The following PPP2R2B variants were observed in gnomAD, a reference collection of about 807,000 sequenced individuals.
The protein encoded by PPP2R2B is protein phosphatase 2 regulatory subunit Bbeta.
PPP2R2B carries 5 observed loss-of-function variants against 46.0 expected under a neutral mutation model. The observed-to-expected ratio is 0.11, with a 90% CI of 0.06 to 0.23. The LOEUF (loss-of-function observed/expected upper bound fraction) is 0.23. Among genes scored for constraint, PPP2R2B ranks in the 10% least tolerant of loss-of-function variants. PPP2R2B has a pLI of 1.00. For missense variants in PPP2R2B, 367 were observed against 575.0 expected (o/e 0.64, Z 3.70); for synonymous variants, 215 against 206.7 (o/e 1.04, Z -0.34).
At chr5:146,889,881 T>C (rs1762441291) in intron 1 of PPP2R2B, among the ~76,000 whole-genome samples, 4 of 152,302 alleles carry the variant, frequency 2.6e-5, no homozygotes, top group Non-Finnish European at 2.9e-5. Context: ...AAGTTATAGC[T>C]AAAAAATGGG....
chr5:146,999,700 G>T (rs1437608903), intron 1 of PPP2R2B, among the ~76,000 whole-genome samples: 2 of 152,184 alleles, frequency 1.3e-5, no homozygotes, highest in Admixed American at 6.5e-5. Context: ...GGTAAATATG[G>T]CATAGAACAT....
chr5:146,882,371 A>G (rs370373217), upstream of PPP2R2B, among the ~76,000 whole-genome samples: 155 of 152,306 alleles, frequency 1.0e-3, 6 homozygotes, highest in South Asian at 0.03. Flanking sequence ...TAATTTTAAT[A>G]ACGTGAACTT....
At chr5:146,910,877 T>G (rs1400184102) in intron 1 of PPP2R2B, among the ~76,000 whole-genome samples, 1 of 152,156 alleles carries the variant, frequency 6.6e-6, no homozygotes, top group Non-Finnish European at 1.5e-5. Context: ...CTTCTAAAGC[T>G]CTCCCTGAAT....
intron 2 of PPP2R2B, chr5:146,751,635 A>C (rs1178508409): frequency 6.6e-6 from 1 of 152,250 alleles, no homozygotes; most frequent in Admixed American, 6.5e-5. Context: ...AAGTCAACTC[A>C]GTTCTTACCC....
chr5:146,639,605 T>C (rs948673285), intron 6 of PPP2R2B, among the ~76,000 whole-genome samples: 1 of 152,198 alleles, frequency 6.6e-6, no homozygotes, highest in Admixed American at 6.5e-5. Flanking sequence ...AGCCTTGTGA[T>C]GTGGATGCTG....
At chr5:146,743,290 A>T (rs1752988317) in intron 2 of PPP2R2B, among the ~76,000 whole-genome samples, 2 of 152,178 alleles carry the variant, frequency 1.3e-5, no homozygotes, top group Admixed American at 6.5e-5. Context: ...GGATTTTTCA[A>T]CATATGCTGG....
At chr5:146,916,293 GT>G (rs5871996) in intron 1 of PPP2R2B, among the ~76,000 whole-genome samples, 230 of 141,904 alleles carry the variant, frequency 1.6e-3, no homozygotes, top group African/African-American at 3.4e-3. Context: ...TGTTACCACC[GT>G]TTTTTTTTTT....
At chr5:146,877,850 G>T in intron 2 of PPP2R2B, 152 bp downstream of exon 2, 1 of 866,986 alleles carries the variant, frequency 1.2e-6, no homozygotes, top group Non-Finnish European at 1.7e-6. Flanking sequence ...TGGATGCGAG[G>T]TGCACTGGGG....
intron 3 of PPP2R2B, among the ~76,000 whole-genome samples, chr5:146,698,890 A>T (rs1779376302): frequency 6.6e-6 from 1 of 152,066 alleles, no homozygotes; most frequent in Non-Finnish European, 1.5e-5. Flanking sequence ...AGCAGGGACT[A>T]CATACATGAT....
chr5:146,810,387 C>G (rs925033599), intron 2 of PPP2R2B, among the ~76,000 whole-genome samples: 1 of 152,158 alleles, frequency 6.6e-6, no homozygotes, highest in Non-Finnish European at 1.5e-5. Flanking sequence ...GTGAGACTTA[C>G]TCACTACCAT....
At chr5:146,653,438 T>C (rs1776110830) in intron 5 of PPP2R2B, among the ~76,000 whole-genome samples, 1 of 152,178 alleles carries the variant, frequency 6.6e-6, no homozygotes, top group Non-Finnish European at 1.5e-5. Context: ...ATGTGTGCCA[T>C]GCTTTTATAG....
chr5:146,906,337 T>C (rs893636117), intron 1 of PPP2R2B, among the ~76,000 whole-genome samples: 13 of 152,262 alleles, frequency 8.5e-5, no homozygotes, highest in South Asian at 2.1e-4. Flanking sequence ...ATTTATTTAT[T>C]TGGAGACAGA....
chr5:147,049,792 T>C (rs1756714796), intron 1 of PPP2R2B, among the ~76,000 whole-genome samples: 1 of 152,312 alleles, frequency 6.6e-6, no homozygotes, highest in African/African-American at 2.4e-5. Flanking sequence ...CTCTGCAATG[T>C]GGTGGTCATT....
intron 2 of PPP2R2B, among the ~76,000 whole-genome samples, chr5:146,738,398 A>G (rs1359166782): frequency 1.2e-5 from 1 of 83,204 alleles, no homozygotes; most frequent in Admixed American, 1.2e-4. Flanking sequence ...TCAGTCTCAA[A>G]AAAAAAAAAA....
At position 146,780,226 on chromosome 5, in the gene PPP2R2B, A is replaced by C. The variant is rs540114598; in HGVS notation, c.71-79084T>G. On this transcript the variant is annotated intron_variant, in intron 2 of 9. Transcript: ENST00000394411. ...ATTAGTGCCTCAAAATCAGAGAAGTAGTACATGTTTAATAAATATCTGTTG... is the reference window on the plus strand; with the variant it reads ...ATTAGTGCCTCAAAATCAGAGAAGTCGTACATGTTTAATAAATATCTGTTG... 1.2e-3 allele frequency among the ~76,000 whole-genome samples: 184 copies of C among 152,366 alleles called. 1 individual carries two copies. Among genetic ancestry groups the C allele is most frequent in the Non-Finnish European group, 2.2e-3 (149 of 68,038 alleles).
chr5:146,742,532 C>T lies in PPP2R2B; in HGVS notation c.71-41390G>A, dbSNP rs181389159. On this transcript the variant is annotated intron_variant, in intron 2 of 9. Transcript: ENST00000394411. ...ATTGATATTCTGATTTCTTCACCTC[C>T]CTACTTTTTTCTGTTTTTGCGAATT... Among the ~76,000 whole-genome samples the T allele has an allele frequency of 2.0e-5, 3 of 152,206 alleles. No individual in the cohort carries two copies. In the East Asian group the frequency reaches 5.8e-4, roughly 29 times the overall value.
intron 2 of PPP2R2B, among the ~76,000 whole-genome samples, chr5:146,796,163 G>A (rs1582123387): frequency 6.6e-6 from 1 of 152,268 alleles, no homozygotes; most frequent in East Asian, 1.9e-4. Flanking sequence ...GACATCTGAG[G>A]AGGATTTTAA....
At chr5:146,891,472 T>C (rs1456815181) in intron 1 of PPP2R2B, among the ~76,000 whole-genome samples, 1 of 152,252 alleles carries the variant, frequency 6.6e-6, no homozygotes, top group Non-Finnish European at 1.5e-5. Flanking sequence ...CCTTGAATTA[T>C]GTTAGCAGAT....
chr5:146,669,900 C>A (rs1294973617), intron 5 of PPP2R2B, among the ~76,000 whole-genome samples: 1 of 152,104 alleles, frequency 6.6e-6, no homozygotes, highest in East Asian at 1.9e-4. Flanking sequence ...TACTATATTT[C>A]CAGTATAAAG....
Sources: allele counts gnomAD v4.1 joint callset (sites outside exome capture counted in the v4.1 genomes callset), GRCh38; gene constraint gnomAD v4.1.1; transcripts MANE v1.5; gene names NCBI Gene and HGNC (gene_info 2026-07-23, HGNC 2026-07-21).